PEMT: variants seen among roughly 807,000 people sequenced by gnomAD.
PEMT encodes phosphatidylethanolamine N-methyltransferase, also known as phospholipid methyltransferase.
In PEMT, 23 loss-of-function variants were observed where a neutral mutation model predicts 27.4. That is an observed-to-expected ratio of 0.84 (90% CI 0.60 to 1.19). The LOEUF (loss-of-function observed/expected upper bound fraction) is 1.19. PEMT is among the 50% of genes most tolerant of loss of function. PEMT has a pLI of 0.00. For missense variants in PEMT, 307 were observed against 310.1 expected (o/e 0.99, Z 0.07); for synonymous variants, 137 against 139.1 (o/e 0.98, Z 0.11).
intron 2 of PEMT, among the ~76,000 whole-genome samples, chr17:17,525,498 G>A (rs926157009): frequency 3.9e-5 from 6 of 152,186 alleles, no homozygotes; most frequent in South Asian, 2.1e-4. Flanking sequence ...GGACGCAGTC[G>A]CCTCCCAGGG....
At chr17:17,548,037 C>T (rs894123110) in intron 2 of PEMT, among the ~76,000 whole-genome samples, 18 of 152,348 alleles carry the variant, frequency 1.2e-4, no homozygotes, top group African/African-American at 3.8e-4. Flanking sequence ...CTCTGCTGCA[C>T]GCACAGCAGC....
At chr17:17,529,155 G>C (rs926778477) in intron 2 of PEMT, among the ~76,000 whole-genome samples, 47 of 152,186 alleles carry the variant, frequency 3.1e-4, no homozygotes, top group Admixed American at 9.8e-4. Flanking sequence ...GCGGCTCTCC[G>C]AGGTCGCACC....
chr17:17,530,225 G>A (rs181468770), intron 2 of PEMT, among the ~76,000 whole-genome samples: 4 of 152,362 alleles, frequency 2.6e-5, no homozygotes, highest in Non-Finnish European at 5.9e-5. Flanking sequence ...GGCAGGCACA[G>A]TGGCTCACAC....
At chr17:17,521,929 G>A (rs912073058) in intron 3 of PEMT, among the ~76,000 whole-genome samples, 13 of 152,186 alleles carry the variant, frequency 8.5e-5, no homozygotes, top group Admixed American at 7.9e-4. Context: ...CCTGACCCCT[G>A]AGGGCTCCCG....
chr17:17,562,317 G>A (rs961797625), intron 2 of PEMT, among the ~76,000 whole-genome samples: 4 of 152,312 alleles, frequency 2.6e-5, no homozygotes, highest in East Asian at 1.9e-4. Flanking sequence ...TCACTGCAGC[G>A]GCAGCCACGA....
chr17:17,528,112 C>A (rs1567685452), intron 2 of PEMT, among the ~76,000 whole-genome samples: 1 of 152,238 alleles, frequency 6.6e-6, no homozygotes, highest in Non-Finnish European at 1.5e-5. Flanking sequence ...GCCCACGGAA[C>A]CACTGAAGGA....
intron 3 of PEMT, among the ~76,000 whole-genome samples, chr17:17,519,427 G>C (rs1907102866): frequency 6.6e-6 from 1 of 152,248 alleles, no homozygotes; most frequent in African/African-American, 2.4e-5. Context: ...GCTGATATGA[G>C]AGGAGGGAAA....
chr17:17,562,902 CTGA>C (rs1455678358), intron 2 of PEMT, among the ~76,000 whole-genome samples: 3 of 152,196 alleles, frequency 2.0e-5, no homozygotes, highest in Non-Finnish European at 2.9e-5. Context: ...TGTGGCTTCT[CTGA>C]TGTCAGGCAT....
At chr17:17,571,503 G>A (rs921911491) in intron 2 of PEMT, among the ~76,000 whole-genome samples, 1 of 152,032 alleles carries the variant, frequency 6.6e-6, no homozygotes, top group Non-Finnish European at 1.5e-5. Context: ...GGAGCAGGTG[G>A]CTCACCTAGG....
chr17:17,534,338 A>G (rs866490714), intron 2 of PEMT, among the ~76,000 whole-genome samples: 3 of 152,242 alleles, frequency 2.0e-5, no homozygotes, highest in Non-Finnish European at 2.9e-5. Context: ...GAAGCCAGAC[A>G]AACATAGAGT....
intron 2 of PEMT, among the ~76,000 whole-genome samples, chr17:17,536,344 C>T (rs1908470927): frequency 6.6e-6 from 1 of 152,328 alleles, no homozygotes; most frequent in East Asian, 1.9e-4. Context: ...CATTCTGGGG[C>T]CTCCCAACTC....
intron 3 of PEMT, chr17:17,517,923 C>A: frequency 1.0e-6 from 1 of 967,508 alleles, no homozygotes; most frequent in Non-Finnish European, 1.2e-6. Context: ...AGACCACCTT[C>A]CAGAGACCAC....
intron 5 of PEMT, chr17:17,507,897 C>T (rs4646408): frequency 0.56 from 85,832 of 152,258 alleles, 27,137 homozygotes; most frequent in Non-Finnish European, 0.73. Context: ...CCTCTGGAGG[C>T]GGCTTATGCG....
At chr17:17,505,968 C>T in intron 6 of PEMT, 120 bp from the exon 7 acceptor site, 2 of 1,407,192 alleles carry the variant, frequency 1.4e-6, no homozygotes, top group Non-Finnish European at 1.9e-6. Context: ...CCCCTTCATC[C>T]CCCAGAGCCA....
chr17:17,548,073 C>G lies in PEMT; in HGVS notation c.205-25678G>C, dbSNP rs77390726. ...GGGATGTTCTATCCGAACCTCCCCCCACCTCCCGGGATACCCATTAGGTTC... is the reference window on the plus strand; with the variant it reads ...GGGATGTTCTATCCGAACCTCCCCCGACCTCCCGGGATACCCATTAGGTTC... On this transcript the variant is annotated intron_variant, in intron 2 of 6. Coordinates refer to ENST00000255389, the MANE Select transcript of PEMT (RefSeq NM_148172.3). Among the ~76,000 whole-genome samples the G allele has an allele frequency of 7.9e-4, 121 of 152,376 alleles. No homozygotes were observed. In the East Asian group the frequency reaches 0.019, roughly 24 times the overall value.
At position 17,590,149 on chromosome 17, in the gene PEMT, C is replaced by G. The variant is rs556237856; in HGVS notation, c.96+1382G>C. Among the ~76,000 whole-genome samples, 8 of 152,180 alleles carry G rather than the reference C, an allele frequency of 5.3e-5. No homozygotes were observed. The South Asian group carries it at 1.7e-3, about 32-fold the overall frequency. On this transcript the variant is annotated intron_variant, in intron 1 of 6. Transcript: ENST00000255389. Reference sequence around the variant, plus strand: ...ATCTTGATCTGAGGATTAACAGATACAGGTTCACCTGGTGAAAATGCAGGA... The same window carrying G: ...ATCTTGATCTGAGGATTAACAGATAGAGGTTCACCTGGTGAAAATGCAGGA...
At chr17:17,522,976 A>T (rs556451279) in intron 2 of PEMT, among the ~76,000 whole-genome samples, 1 of 152,366 alleles carries the variant, frequency 6.6e-6, no homozygotes, top group South Asian at 2.1e-4. Flanking sequence ...AGTGACTTTT[A>T]GCCTCAGAAT....
intron 1 of PEMT, among the ~76,000 whole-genome samples, chr17:17,578,098 C>T (rs1279895637): frequency 6.6e-6 from 1 of 151,500 alleles, no homozygotes; most frequent in Non-Finnish European, 1.5e-5. Context: ...GAAGAGCAGG[C>T]TGCATGATTC....
chr17:17,507,049 G>C, intron 5 of PEMT: 1 of 973,284 alleles, frequency 1.0e-6, no homozygotes, highest in Non-Finnish European at 1.6e-6. Flanking sequence ...TCCTGACCCC[G>C]CCACACCAGT....
Sources: gnomAD v4.1 joint callset for allele counts (sites outside exome capture counted in the v4.1 genomes callset) on GRCh38, gnomAD v4.1.1 for gene constraint, MANE v1.5 for transcripts, NCBI Gene and HGNC (gene_info 2026-07-23, HGNC 2026-07-21) for gene names.